Variants in PIGN observed in about 807,000 individuals in gnomAD.
PIGN encodes GPI ethanolamine phosphate transferase 1.
PIGN carries 117 observed loss-of-function variants against 125.4 expected under a neutral mutation model. The ratio of observed to expected loss-of-function variants is 0.93; its 90% CI spans 0.80 to 1.09. The LOEUF (loss-of-function observed/expected upper bound fraction) is 1.09, where lower values mean the gene tolerates loss of function less well. PIGN is among the 50% of genes least tolerant of loss of function. PIGN has a pLI of 0.00. For synonymous variants in PIGN, 392 were observed against 377.8 expected (o/e 1.04, Z -0.44); for missense variants, 1,075 against 1,094.9 (o/e 0.98, Z 0.26).
At chr18:62,124,029 C>A in intron 14 of PIGN, among the ~76,000 whole-genome samples, 1 of 152,050 alleles carries the variant, frequency 6.6e-6, no homozygotes, top group East Asian at 1.9e-4. Flanking sequence ...TATAGAGAGA[C>A]TGAAACACTC....
intron 14 of PIGN, among the ~76,000 whole-genome samples, chr18:62,119,826 A>G (rs1415735250): frequency 6.7e-6 from 1 of 149,646 alleles, no homozygotes; most frequent in African/African-American, 2.5e-5. Flanking sequence ...CCTGGGCAAC[A>G]GAGTGAGACT....
chr18:62,153,278 C>G (rs1292189283), intron 7 of PIGN, among the ~76,000 whole-genome samples: 2 of 152,202 alleles, frequency 1.3e-5, no homozygotes, highest in Non-Finnish European at 2.9e-5. Flanking sequence ...TCCTTCACAT[C>G]ACTTACCAAT....
chr18:62,062,644 T>TA (rs1363047132), intron 30 of PIGN, among the ~76,000 whole-genome samples: 2 of 152,122 alleles, frequency 1.3e-5, no homozygotes, highest in East Asian at 1.9e-4. Context: ...GCTCCCATTA[T>TA]AAAAAATATT....
rs1336631521 is a variant in PIGN, at chr18:62,043,817, T to C, written c.*2039A>G. Reference sequence around the variant, plus strand: ...CTGCCTATTTTAATTCTTATAACAATTCCTAATTTAAACATTGTTAATCAG... The same window carrying C: ...CTGCCTATTTTAATTCTTATAACAACTCCTAATTTAAACATTGTTAATCAG... On this transcript the variant is annotated 3_prime_UTR_variant, in exon 31 of 31. Coordinates refer to ENST00000640252, the MANE Select transcript of PIGN (RefSeq NM_176787.5). 1.3e-5 allele frequency: 2 copies of C among 152,218 alleles called. No individual in the cohort carries two copies. Among genetic ancestry groups the C allele is most frequent in the Non-Finnish European group, 2.9e-5 (2 of 68,040 alleles). 9.4% of individuals were successfully genotyped at this position (152,218 alleles called of 1,614,324 possible). A position where few individuals can be genotyped will look rare whatever the true frequency, so the allele number is the denominator to read the frequency against.
In PIGN at chr18:62,138,274, C is replaced by A. The variant is rs1315529002; in HGVS notation, c.1141G>T (p.Val381Phe). ...GGTGTAAACAAAAATGGTAAAGTAA[C>A]TTCTTTCTTCTGAGTCATTTTCACC... The part of the protein sequence containing the change: ...FKVKMTQKKE[V>F]TLPFLFTPFK... The change falls in exon 14 of 31, where the codon GTT (valine) becomes TTT (phenylalanine). Residue 381 changes from valine to phenylalanine, a missense_variant. Val to Phe is a conservative substitution (Grantham distance 50). Coordinates refer to ENST00000640252, the MANE Select transcript of PIGN (RefSeq NM_176787.5). 1.9e-6 allele frequency: 3 copies of A among 1,545,930 alleles called. No homozygotes were observed. Among genetic ancestry groups the A allele is most frequent in the Non-Finnish European group, 2.6e-6 (3 of 1,144,462 alleles).
intron 15 of PIGN, among the ~76,000 whole-genome samples, chr18:62,113,652 G>A (rs1193866640): frequency 1.3e-5 from 2 of 151,948 alleles, no homozygotes; most frequent in Non-Finnish European, 2.9e-5. Flanking sequence ...TAATGATAAT[G>A]GCCATATTTA....
rs1413061703 is a variant in PIGN at position 62,085,209 on chromosome 18, C to G, written c.2426G>C (p.Ser809Thr). Reference protein sequence around the residue: ...FGTGNIASINSFDLASVYCFL... With the variant: ...FGTGNIASINTFDLASVYCFL... ...ATATGCCACTTTCATTTAAAATTAC[C>G]TGTTAATAGAAGCTATATTTCCAGT... The change falls in exon 26 of 31, where the codon AGC becomes ACC. Residue 809 changes from serine to threonine, a missense_variant and splice_region_variant. Around this residue, in one of 3 missense-constraint regions of PIGN, gnomAD observed 915 missense variants for 908.7 expected, o/e 1.01. Coordinates refer to ENST00000640252, the MANE Select transcript of PIGN (RefSeq NM_176787.5). 2 of 1,497,236 alleles carry G rather than the reference C, an allele frequency of 1.3e-6. No homozygotes were observed. Among genetic ancestry groups the G allele is most frequent in the Non-Finnish European group, 1.8e-6 (2 of 1,100,790 alleles). The allele number at this position is 1,497,236 out of a possible 1,614,324, so 92.7% of individuals were successfully genotyped here.
At chr18:62,122,385 T>C (rs1387559815) in intron 14 of PIGN, among the ~76,000 whole-genome samples, 2 of 152,120 alleles carry the variant, frequency 1.3e-5, no homozygotes, top group South Asian at 2.1e-4. Flanking sequence ...AACTTCCTTA[T>C]ATTATTTTTA....
chr18:62,185,659 C>T (rs1402984474), intron 1 of PIGN, among the ~76,000 whole-genome samples: 1 of 152,200 alleles, frequency 6.6e-6, no homozygotes, highest in Non-Finnish European at 1.5e-5. Flanking sequence ...TGTAATATGT[C>T]ACTTACCTGT....
rs961615217 is a variant in PIGN at position 62,173,094 on chromosome 18, T to C, written c.-235-9438A>G. 1.2e-4 allele frequency among the ~76,000 whole-genome samples: 19 copies of C among 152,222 alleles called. 1 individual carries two copies. Among genetic ancestry groups the C allele is most frequent in the Non-Finnish European group, 2.5e-4 (17 of 68,044 alleles). On this transcript the variant is annotated intron_variant, in intron 1 of 30. Transcript: ENST00000640252. Reference sequence around the variant, plus strand: ...GAAAGCAATAGAAGAGACAAAGATATATTTTCCTGCCAAATTGGTAATTAA... The same window carrying C: ...GAAAGCAATAGAAGAGACAAAGATACATTTTCCTGCCAAATTGGTAATTAA...
intron 21 of PIGN, among the ~76,000 whole-genome samples, chr18:62,101,570 T>A (rs1052525310): frequency 6.6e-6 from 1 of 152,216 alleles, no homozygotes; most frequent in Non-Finnish European, 1.5e-5. Context: ...AGGAAACATA[T>A]GTTCCAATGG....
intron 14 of PIGN, among the ~76,000 whole-genome samples, chr18:62,116,016 A>G (rs562922217): frequency 1.6e-4 from 25 of 152,294 alleles, no homozygotes; most frequent in African/African-American, 6.0e-4. Context: ...GGGGAACCCA[A>G]CCACACTGGG....
rs760795380 is a variant in PIGN, at chr18:62,074,828, A to G, written c.2577-7T>C. On this transcript the variant is annotated splice_polypyrimidine_tract_variant and splice_region_variant and intron_variant, in intron 28 of 30. Transcript: ENST00000640252. Reference sequence around the variant, plus strand: ...GAGAACAATGAGAAAAAGGCTGGAAAAAAAAAGAAGGAAAAATTACATCTA... The same window carrying G: ...GAGAACAATGAGAAAAAGGCTGGAAGAAAAAAGAAGGAAAAATTACATCTA... 1.2e-6 allele frequency: 2 copies of G among 1,602,538 alleles called. No homozygotes were observed. Among genetic ancestry groups the G allele is most frequent in the South Asian group, 1.1e-5 (1 of 89,596 alleles).
chr18:62,168,280 T>C (rs1308842453), intron 1 of PIGN, among the ~76,000 whole-genome samples: 4 of 152,250 alleles, frequency 2.6e-5, no homozygotes, highest in African/African-American at 9.6e-5. Context: ...TAAGTAACCA[T>C]GCTTTCTTTA....
chr18:62,052,335 C>T (rs1040338136), intron 30 of PIGN: 1 of 150,854 alleles, frequency 6.6e-6, no homozygotes, highest in Non-Finnish European at 1.5e-5. Flanking sequence ...GTGTGGGAGT[C>T]TAAGTCTCTT....
chr18:62,119,908 G>A (rs1191275839), intron 14 of PIGN, among the ~76,000 whole-genome samples: 1 of 151,924 alleles, frequency 6.6e-6, no homozygotes, highest in Non-Finnish European at 1.5e-5. Flanking sequence ...CCTGAAGCTT[G>A]AAGAGCAAAA....
intron 1 of PIGN, among the ~76,000 whole-genome samples, chr18:62,173,044 A>G (rs1405094308): frequency 6.6e-6 from 1 of 152,240 alleles, no homozygotes; most frequent in Non-Finnish European, 1.5e-5. Flanking sequence ...CAACCTGTAA[A>G]TAGTTGACTT....
chr18:62,028,758 T>C (rs547007486), intron 23 of PIGN, among the ~76,000 whole-genome samples: 1 of 152,334 alleles, frequency 6.6e-6, no homozygotes, highest in African/African-American at 2.4e-5. Context: ...CTTAGCTTCT[T>C]AGAATATGGA....
intron 7 of PIGN, chr18:62,153,711 G>T (rs2036619717): frequency 6.6e-6 from 1 of 152,120 alleles, no homozygotes; most frequent in African/African-American, 2.4e-5. Context: ...ATAGGGTTTA[G>T]CAATGAATTT....
Sources: gnomAD v4.1 joint callset for allele counts (sites outside exome capture counted in the v4.1 genomes callset) on GRCh38, gnomAD v4.1.1 for gene constraint, gnomAD v4.1.1 regional missense constraint, MANE v1.5 for transcripts, NCBI Gene and HGNC (gene_info 2026-07-23, HGNC 2026-07-21) for gene names.